The following MACROH2A2 variants were observed in gnomAD, a reference collection of about 807,000 sequenced individuals.
MACROH2A2 encodes macroH2A.2 histone.
Under a neutral mutation model 37.6 loss-of-function variants are expected in MACROH2A2, and 6 were observed. The ratio of observed to expected loss-of-function variants is 0.16; its 90% CI spans 0.09 to 0.32. MACROH2A2 has a LOEUF of 0.32. MACROH2A2 is among the 10% of genes least tolerant of loss of function. The pLI, the probability that MACROH2A2 is intolerant of heterozygous loss-of-function variation, is 1.00. For missense variants in MACROH2A2, 290 were observed against 485.9 expected, an observed-to-expected ratio of 0.60 and a Z score of 3.79; for synonymous variants, 192 against 202.7, an observed-to-expected ratio of 0.95 and a Z score of 0.45.
chr10:70,060,308 T>C (rs775164217), intron 1 of MACROH2A2, among the ~76,000 whole-genome samples: 60 of 151,430 alleles, frequency 4.0e-4, no homozygotes, highest in Non-Finnish European at 7.4e-4. Flanking sequence ...AGGCAGAAGT[T>C]GCAGTGAGCC....
At chr10:70,087,585 A>C (rs886645113) in intron 2 of MACROH2A2, among the ~76,000 whole-genome samples, 7 of 152,194 alleles carry the variant, frequency 4.6e-5, no homozygotes, top group African/African-American at 7.2e-5. Flanking sequence ...AGGATTGGGC[A>C]ACAGCCTGAA....
intron 6 of MACROH2A2, chr10:70,098,407 GAGAA>G (rs1316821151): frequency 1.3e-5 from 2 of 151,508 alleles, no homozygotes; most frequent in African/African-American, 2.4e-5. Flanking sequence ...GAGGGGGAGA[GAGAA>G]AGGAAGAAAG....
intron 2 of MACROH2A2, among the ~76,000 whole-genome samples, chr10:70,085,512 C>T (rs1331631719): frequency 3.3e-5 from 5 of 152,194 alleles, no homozygotes; most frequent in African/African-American, 1.2e-4. Flanking sequence ...CTCCACCTCA[C>T]CTGTCCCAAC....
chr10:70,098,611 C>G (rs902288647), intron 6 of MACROH2A2: 1 of 152,178 alleles, frequency 6.6e-6, no homozygotes, highest in Non-Finnish European at 1.5e-5. Flanking sequence ...TGATTATATC[C>G]TCCTGGCATC....
intron 2 of MACROH2A2, among the ~76,000 whole-genome samples, chr10:70,080,078 G>A (rs866903512): frequency 1.3e-4 from 19 of 151,798 alleles, no homozygotes; most frequent in Admixed American, 3.3e-4. Flanking sequence ...TCAGGAGTTC[G>A]AGACCAGCCT....
chr10:70,111,168 C>G (rs983121948), intron 8 of MACROH2A2, among the ~76,000 whole-genome samples: 2 of 152,056 alleles, frequency 1.3e-5, no homozygotes, highest in African/African-American at 4.8e-5. Context: ...GCTTGGGATG[C>G]TGAGGCAGGA....
chr10:70,079,359 G>C (rs377135789), intron 2 of MACROH2A2, among the ~76,000 whole-genome samples: 11 of 152,064 alleles, frequency 7.2e-5, no homozygotes, highest in African/African-American at 2.4e-4. Flanking sequence ...ATTCAGACTG[G>C]GGGGGCGGGT....
At chr10:70,106,923 G>A (rs577037458) in intron 7 of MACROH2A2, among the ~76,000 whole-genome samples, 18 of 152,084 alleles carry the variant, frequency 1.2e-4, no homozygotes, top group Admixed American at 2.0e-4. Context: ...AACTCTGTCC[G>A]GCATACAATA....
intron 1 of MACROH2A2, among the ~76,000 whole-genome samples, chr10:70,060,837 A>C (rs1162495005): frequency 2.6e-5 from 4 of 152,176 alleles, no homozygotes; most frequent in African/African-American, 4.8e-5. Context: ...ATCTTGGTCA[A>C]GCTGGTCTCA....
At chr10:70,077,273 A>G (rs1183153499) in intron 2 of MACROH2A2, among the ~76,000 whole-genome samples, 2 of 152,222 alleles carry the variant, frequency 1.3e-5, no homozygotes, top group Non-Finnish European at 2.9e-5. Flanking sequence ...TGCTTGTTTC[A>G]AATGCAAGTT....
At chr10:70,082,358 C>T (rs539651642) in intron 2 of MACROH2A2, among the ~76,000 whole-genome samples, 183 of 149,746 alleles carry the variant, frequency 1.2e-3, no homozygotes, top group African/African-American at 4.2e-3. Context: ...GCGGAGGTTG[C>T]GGTGAGCCGA....
chr10:70,080,786 G>A (rs1589834923), intron 2 of MACROH2A2, among the ~76,000 whole-genome samples: 2 of 146,998 alleles, frequency 1.4e-5, no homozygotes, highest in East Asian at 2.0e-4. Context: ...TTGGGAAGCT[G>A]AGGCAGAAGA....
intron 7 of MACROH2A2, among the ~76,000 whole-genome samples, chr10:70,105,299 C>G (rs2072330564): frequency 6.6e-6 from 1 of 152,178 alleles, no homozygotes; most frequent in African/African-American, 2.4e-5. Flanking sequence ...TGATTGTAGG[C>G]CCTGAACACT....
chr10:70,111,641 C>T lies in MACROH2A2; in HGVS notation c.1077C>T (p.Ile359=), dbSNP rs752910150. The change falls in exon 9 of 9, where the codon ATC becomes ATT. Residue 359 remains isoleucine (I), a synonymous_variant. Coordinates refer to ENST00000373255, the MANE Select transcript of MACROH2A2 (RefSeq NM_018649.3). ...VYFLLFDSES[I]GIYVQEMAKL... is the part of the protein sequence containing the mutation. ...TCCTGCTCTTCGACAGCGAGAGCAT[C>T]GGCATCTACGTGCAGGAGATGGCCA... 29 of 1,612,868 alleles carry T rather than the reference C, an allele frequency of 1.8e-5. 1 individual carries two copies. The South Asian group carries it at 2.6e-4, about 15-fold the overall frequency.
chr10:70,068,694 C>CGG (rs1328955155), intron 1 of MACROH2A2, among the ~76,000 whole-genome samples: 3 of 152,296 alleles, frequency 2.0e-5, no homozygotes, highest in Middle Eastern at 6.8e-3. Context: ...ACTGAACCAT[C>CGG]GGGAGCTGGT....
At chr10:70,108,738 A>T (rs1282661219) in intron 7 of MACROH2A2, among the ~76,000 whole-genome samples, 1 of 152,214 alleles carries the variant, frequency 6.6e-6, no homozygotes, top group East Asian at 1.9e-4. Flanking sequence ...CCCTTTAACT[A>T]GGAACCATTG....
chr10:70,063,218 C>T (rs932421462), intron 1 of MACROH2A2, among the ~76,000 whole-genome samples: 5 of 152,100 alleles, frequency 3.3e-5, no homozygotes, highest in South Asian at 2.1e-4. Context: ...TCTAAAGAAA[C>T]CGGACTATTT....
At chr10:70,090,420 T>G (rs1302969306) in intron 3 of MACROH2A2, among the ~76,000 whole-genome samples, 2 of 152,258 alleles carry the variant, frequency 1.3e-5, no homozygotes, top group African/African-American at 4.8e-5. Context: ...ACAAGTTCTG[T>G]GTGTTGCTGA....
chr10:70,101,073 G>A (rs914625633), intron 7 of MACROH2A2, among the ~76,000 whole-genome samples: 3 of 152,186 alleles, frequency 2.0e-5, no homozygotes, highest in Non-Finnish European at 4.4e-5. Context: ...GGGTGACAAA[G>A]TCCAGCGGAG....
Sources: gnomAD v4.1 joint callset for allele counts (sites outside exome capture counted in the v4.1 genomes callset) on GRCh38, gnomAD v4.1.1 for gene constraint, MANE v1.5 for transcripts, NCBI Gene and HGNC (gene_info 2026-07-23, HGNC 2026-07-21) for gene names.